The following ZFP64 variants were observed in gnomAD, a reference collection of about 807,000 sequenced individuals.
ZFP64 encodes the protein zinc finger protein 64.
ZFP64 carries 14 observed loss-of-function variants against 51.6 expected under a neutral mutation model. The ratio of observed to expected loss-of-function variants is 0.27; its 90% CI spans 0.18 to 0.42. The LOEUF (loss-of-function observed/expected upper bound fraction) is 0.42, where lower values mean the gene tolerates loss of function less well. ZFP64 is among the 10% of genes least tolerant of loss of function. The pLI, the probability that ZFP64 is intolerant of heterozygous loss-of-function variation, is 1.00. For synonymous variants in ZFP64, 375 were observed against 361.4 expected, an observed-to-expected ratio of 1.04 and a Z score of -0.43; for missense variants, 754 against 906.8, an observed-to-expected ratio of 0.83 and a Z score of 2.16.
rs565257613 is a variant in ZFP64 at position 52,123,846 on chromosome 20, G to A, written c.764-25259C>T. On this transcript the variant is annotated intron_variant, in intron 5 of 8. Coordinates refer to the ZFP64 transcript ENST00000361387. ...GTATGTCTGTTACAGAGAAGTAGAA[G>A]TAAGAAGTGCTTAGTAAACTTTTCT... 6.5e-4 allele frequency among the ~76,000 whole-genome samples: 97 copies of A among 148,646 alleles called. 3 individuals carry two copies. In the South Asian group the frequency reaches 0.02, roughly 31 times the overall value.
intron 5 of ZFP64, among the ~76,000 whole-genome samples, chr20:52,137,439 A>G (rs139559655): frequency 1.7e-4 from 26 of 152,302 alleles, no homozygotes; most frequent in African/African-American, 6.0e-4. Flanking sequence ...GAAGAAAAAA[A>G]GATCTTATGT....
At chr20:52,180,920 TA>T (rs1983568936) in intron 2 of ZFP64, among the ~76,000 whole-genome samples, 1 of 152,128 alleles carries the variant, frequency 6.6e-6, no homozygotes, top group African/African-American at 2.4e-5. Flanking sequence ...GTCCCCTGTT[TA>T]TTTTTTTATT....
exon 6 of ZFP64, chr20:52,098,480 T>C: frequency 6.2e-7 from 1 of 1,614,142 alleles, no homozygotes; most frequent in East Asian, 2.2e-5. Context: ...AGGGTGGCCA[T>C]TTGTTCCCTT....
intron 5 of ZFP64, among the ~76,000 whole-genome samples, chr20:52,157,835 A>G (rs1981444109): frequency 6.6e-6 from 1 of 152,066 alleles, no homozygotes; most frequent in African/African-American, 2.4e-5. Flanking sequence ...CCACCCCTTG[A>G]CAGGCCCCAG....
chr20:52,128,605 T>C (rs918764380), intron 5 of ZFP64, among the ~76,000 whole-genome samples: 2 of 152,204 alleles, frequency 1.3e-5, no homozygotes, highest in Non-Finnish European at 2.9e-5. Flanking sequence ...CCTAACTTGT[T>C]ATTCTTGGAA....
chr20:52,162,790 G>A (rs1234474031), intron 4 of ZFP64, among the ~76,000 whole-genome samples: 1 of 152,176 alleles, frequency 6.6e-6, no homozygotes, highest in African/African-American at 2.4e-5. Flanking sequence ...TGTTGGCAGA[G>A]CTCAGTGGTT....
chr20:52,127,805 A>AT (rs1194039832), intron 5 of ZFP64, among the ~76,000 whole-genome samples: 1 of 152,120 alleles, frequency 6.6e-6, no homozygotes, highest in Non-Finnish European at 1.5e-5. Context: ...TGAAAACGTG[A>AT]TTTTCACTTA....
At chr20:52,097,961 A>AG (rs2079008787) in intron 6 of ZFP64, among the ~76,000 whole-genome samples, 1 of 151,956 alleles carries the variant, frequency 6.6e-6, no homozygotes, top group Non-Finnish European at 1.5e-5. Flanking sequence ...CCAACTACTC[A>AG]GGGGGCGGAT....
intron 5 of ZFP64, among the ~76,000 whole-genome samples, chr20:52,142,815 G>A (rs1980341180): frequency 8.9e-6 from 1 of 112,746 alleles, no homozygotes; most frequent in African/African-American, 3.1e-5. Context: ...ACTCCACCCT[G>A]GGCGACAGAG....
In ZFP64 at chr20:52,151,364, A is replaced by T; in HGVS notation, c.*782T>A. The T allele has an allele frequency of 1.0e-6, 1 of 985,440 alleles. No individual in the cohort carries two copies. The highest frequency in any genetic ancestry group is 1.2e-6 in the Non-Finnish European group (1 of 829,926). The allele number at this position is 985,440 out of a possible 1,614,324, so 61.0% of individuals were successfully genotyped here. On this transcript the variant is annotated 3_prime_UTR_variant, in exon 6 of 6. Coordinates refer to ENST00000216923, the MANE Select transcript of ZFP64 (RefSeq NM_018197.3). Reference sequence around the variant, plus strand: ...ACATTTTTTTTTGGGTCAAGTATCCATGTCATATTATGTAGAAAATGGTCC... The same window carrying T: ...ACATTTTTTTTTGGGTCAAGTATCCTTGTCATATTATGTAGAAAATGGTCC...
downstream of ZFP64, among the ~76,000 whole-genome samples, chr20:52,149,610 C>T (rs993158641): frequency 2.8e-4 from 43 of 152,172 alleles, no homozygotes; most frequent in Admixed American, 1.6e-3. Flanking sequence ...GGTGAGAATA[C>T]GGAGGGGCTG....
intron 2 of ZFP64, among the ~76,000 whole-genome samples, chr20:52,170,221 G>A (rs1245814547): frequency 6.6e-6 from 1 of 152,114 alleles, no homozygotes; most frequent in African/African-American, 2.4e-5. Context: ...GGAGCCTGAG[G>A]TGGGCGGATC....
chr20:52,092,772 C>G (rs570746438), intron 7 of ZFP64, among the ~76,000 whole-genome samples: 80 of 152,300 alleles, frequency 5.3e-4, no homozygotes, highest in Non-Finnish European at 1.0e-3. Flanking sequence ...ACGAGAATCA[C>G]TTGAACCAGG....
chr20:52,166,996 G>GA (rs142762031), intron 2 of ZFP64, among the ~76,000 whole-genome samples: 4,506 of 149,226 alleles, frequency 0.03, 82 homozygotes, highest in Middle Eastern at 0.073. Flanking sequence ...GAAGCAAAAA[G>GA]AAAAAAAAAA....
intron 3 of ZFP64, chr20:52,165,451 TG>T (rs1156888208): frequency 2.2e-6 from 1 of 460,124 alleles, no homozygotes; most frequent in Non-Finnish European, 4.3e-6. Flanking sequence ...TGGTAACATT[TG>T]GGGAATCTAG....
At chr20:52,164,618 G>T in intron 4 of ZFP64, 77 bp downstream of exon 4, 2 of 1,250,236 alleles carry the variant, frequency 1.6e-6, no homozygotes, top group Non-Finnish European at 2.3e-6. Context: ...GGTATCATTC[G>T]TCTGACCTAT....
chr20:52,102,783 T>C (rs909117592), intron 5 of ZFP64, among the ~76,000 whole-genome samples: 1 of 152,166 alleles, frequency 6.6e-6, no homozygotes, highest in Admixed American at 6.5e-5. Context: ...TTTCCACATC[T>C]GTGAAATGGG....
intron 5 of ZFP64, among the ~76,000 whole-genome samples, chr20:52,102,107 C>CCAAAAAAAAAAAAAAAAAAAAAAAAA (rs551838560): frequency 4.7e-5 from 3 of 63,438 alleles, no homozygotes; most frequent in African/African-American, 2.0e-4. Context: ...ACTCCATCTC[C>CCAAAAAAAAAAAAAAAAAAAAAAAAA]AAAAAAAAAA....
chr20:52,111,123 G>A (rs1978546890), intron 5 of ZFP64: 4 of 788,520 alleles, frequency 5.1e-6, no homozygotes, highest in Non-Finnish European at 4.4e-6. Flanking sequence ...GGGGCACGGC[G>A]GCAGCCACAT....
Sources: allele counts gnomAD v4.1 joint callset (sites outside exome capture counted in the v4.1 genomes callset), GRCh38; gene constraint gnomAD v4.1.1; transcripts MANE v1.5; gene names NCBI Gene and HGNC (gene_info 2026-07-23, HGNC 2026-07-21).